Variants in CTNND2 observed in about 807,000 individuals in gnomAD.
CTNND2 encodes the protein catenin delta-2.
In CTNND2, 22 loss-of-function variants were observed where a neutral mutation model predicts 144.4. The observed-to-expected ratio is 0.15, with a 90% CI of 0.11 to 0.22. The LOEUF (loss-of-function observed/expected upper bound fraction) is 0.22. CTNND2 is among the 10% of genes least tolerant of loss of function. The pLI, the probability that CTNND2 is intolerant of heterozygous loss-of-function variation, is 1.00. For missense variants in CTNND2, 1,353 were observed against 1,618.8 expected, an observed-to-expected ratio of 0.84 and a Z score of 2.82; for synonymous variants, 751 against 695.6, an observed-to-expected ratio of 1.08 and a Z score of -1.25.
At chr5:11,295,094 G>A (rs938244769) in intron 9 of CTNND2, among the ~76,000 whole-genome samples, 2 of 152,096 alleles carry the variant, frequency 1.3e-5, no homozygotes, top group East Asian at 1.9e-4. Flanking sequence ...CACTGTCTCC[G>A]CCCAAAATCT....
At chr5:11,437,896 C>T (rs1335534343) in intron 3 of CTNND2, among the ~76,000 whole-genome samples, 1 of 152,212 alleles carries the variant, frequency 6.6e-6, no homozygotes, top group Admixed American at 6.5e-5. Context: ...CACACAAGCA[C>T]TGCAAGCTCA....
At chr5:11,587,024 GTTAAC>G (rs1366899896) in intron 2 of CTNND2, among the ~76,000 whole-genome samples, 3 of 152,172 alleles carry the variant, frequency 2.0e-5, no homozygotes, top group East Asian at 1.9e-4. Flanking sequence ...ACATCAATGA[GTTAAC>G]TTAATTGCGT....
chr5:11,863,439 T>C (rs1795596252), intron 1 of CTNND2, among the ~76,000 whole-genome samples: 1 of 152,204 alleles, frequency 6.6e-6, no homozygotes, highest in Admixed American at 6.5e-5. Flanking sequence ...TATTTTTGAT[T>C]GGTGTAAGCA....
intron 10 of CTNND2, among the ~76,000 whole-genome samples, chr5:11,201,644 T>A (rs966892227): frequency 6.6e-6 from 1 of 152,178 alleles, no homozygotes; most frequent in Non-Finnish European, 1.5e-5. Flanking sequence ...AATGCAGCGT[T>A]TCACATATGG....
At chr5:10,993,367 A>T (rs1328500833) in intron 18 of CTNND2, among the ~76,000 whole-genome samples, 2 of 152,254 alleles carry the variant, frequency 1.3e-5, no homozygotes, top group African/African-American at 4.8e-5. Context: ...TTTACAAAGC[A>T]TAAAGAAGAA....
intron 14 of CTNND2, among the ~76,000 whole-genome samples, chr5:11,104,854 A>G (rs1432250715): frequency 6.6e-6 from 1 of 152,218 alleles, no homozygotes; most frequent in African/African-American, 2.4e-5. Flanking sequence ...AGAAACCCGC[A>G]TTAAAGAGGC....
At chr5:11,208,247 T>C (rs1738257795) in intron 10 of CTNND2, among the ~76,000 whole-genome samples, 1 of 152,180 alleles carries the variant, frequency 6.6e-6, no homozygotes, top group Admixed American at 6.5e-5. Context: ...CCACATTCCT[T>C]CAGTGTTATA....
Position 11,409,319 on chromosome 5 carries a change from A to G in CTNND2, c.439+2217T>C, listed in dbSNP as rs185428871. ...CTTCTTAACTTTTATAATTGCCTTT[A>G]TCTTCTAGTAGCTGGTCAATTTTTA... is the stretch of plus-strand genomic sequence containing the variant. On this transcript the variant is annotated intron_variant, in intron 5 of 21. Transcript: ENST00000304623. Among the ~76,000 whole-genome samples, 176 of 152,104 alleles carry G rather than the reference A, an allele frequency of 1.2e-3. 1 individual carries two copies. Among genetic ancestry groups the G allele is most frequent in the African/African-American group, 3.5e-3 (147 of 41,560 alleles).
At chr5:11,742,264 T>C (rs1788061306) in intron 1 of CTNND2, among the ~76,000 whole-genome samples, 4 of 152,132 alleles carry the variant, frequency 2.6e-5, no homozygotes, top group African/African-American at 9.7e-5. Flanking sequence ...TCCTGTTCCT[T>C]CTCTTCAGGA....
intron 11 of CTNND2, 54 bp downstream of exon 11, chr5:11,199,394 A>T: frequency 6.7e-7 from 1 of 1,499,404 alleles, no homozygotes; most frequent in South Asian, 1.2e-5. Flanking sequence ...TCTGTGTTGG[A>T]TAATGGAAAG....
chr5:11,146,811 T>C (rs1757286038), intron 12 of CTNND2, among the ~76,000 whole-genome samples: 1 of 152,210 alleles, frequency 6.6e-6, no homozygotes, highest in African/African-American at 2.4e-5. Flanking sequence ...GGTGGTTTCA[T>C]TTAGCAGAAT....
intron 2 of CTNND2, among the ~76,000 whole-genome samples, chr5:11,704,659 A>G (rs1330940809): frequency 6.6e-6 from 1 of 151,934 alleles, no homozygotes; most frequent in Non-Finnish European, 1.5e-5. Context: ...CCACAATAAG[A>G]GAAATGTACT....
chr5:11,175,251 T>C (rs1405163110), intron 11 of CTNND2, among the ~76,000 whole-genome samples: 1 of 152,176 alleles, frequency 6.6e-6, no homozygotes, highest in African/African-American at 2.4e-5. Flanking sequence ...GTATATATTC[T>C]CAAGTTTTCT....
At chr5:11,755,575 A>C (rs1482106196) in intron 1 of CTNND2, among the ~76,000 whole-genome samples, 1 of 150,918 alleles carries the variant, frequency 6.6e-6, no homozygotes, top group Non-Finnish European at 1.5e-5. Flanking sequence ...TTTCAGGGAC[A>C]CCGATGAGTC....
rs114012674 is a variant in CTNND2, at chr5:11,019,526, C to T, written c.3000-1468G>A. Among the ~76,000 whole-genome samples, 360 of 152,260 alleles carry T rather than the reference C, an allele frequency of 2.4e-3. 1 individual carries two copies. Among genetic ancestry groups the T allele is most frequent in the African/African-American group, 8.2e-3 (342 of 41,546 alleles). On this transcript the variant is annotated intron_variant, in intron 17 of 21. Transcript: ENST00000304623. Reference sequence around the variant, plus strand: ...ACCAAAAGAGACTGTGAATGTGTAACGAACAGCAGGTTTTAACCTCTCAAT... The same window carrying T: ...ACCAAAAGAGACTGTGAATGTGTAATGAACAGCAGGTTTTAACCTCTCAAT...
intron 1 of CTNND2, among the ~76,000 whole-genome samples, chr5:11,813,260 A>G (rs543198668): frequency 3.9e-5 from 6 of 152,324 alleles, no homozygotes; most frequent in African/African-American, 1.2e-4. Context: ...ACTTGTGTGT[A>G]AGTACACTCC....
chr5:11,154,098 A>G (rs1757997594), intron 12 of CTNND2, among the ~76,000 whole-genome samples: 1 of 152,238 alleles, frequency 6.6e-6, no homozygotes, highest in Non-Finnish European at 1.5e-5. Flanking sequence ...GAAAATCCAC[A>G]AAGCATCAGG....
chr5:11,534,791 G>T (rs541167308), intron 3 of CTNND2, among the ~76,000 whole-genome samples: 85 of 152,262 alleles, frequency 5.6e-4, no homozygotes, highest in African/African-American at 2.0e-3. Flanking sequence ...AATATTCTAA[G>T]AAATATGTAA....
chr5:11,902,853 C>A (rs936531042), intron 1 of CTNND2, among the ~76,000 whole-genome samples: 1 of 152,002 alleles, frequency 6.6e-6, no homozygotes, highest in Admixed American at 6.6e-5. Context: ...CCCTTCATAC[C>A]CCCACGGTTA....
Sources: allele counts gnomAD v4.1 joint callset (sites outside exome capture counted in the v4.1 genomes callset), GRCh38; gene constraint gnomAD v4.1.1; transcripts MANE v1.5; gene names NCBI Gene and HGNC (gene_info 2026-07-23, HGNC 2026-07-21).